ATRN: variants seen among roughly 807,000 people sequenced by gnomAD.
ATRN encodes the protein attractin.
ATRN carries 54 observed loss-of-function variants against 178.7 expected under a neutral mutation model. The observed-to-expected ratio is 0.30, with a 90% CI of 0.24 to 0.38. The LOEUF (loss-of-function observed/expected upper bound fraction) is 0.38. ATRN is among the 10% of genes least tolerant of loss of function. The pLI is 1.00. For missense variants in ATRN, 1,443 were observed against 1,815.1 expected, an observed-to-expected ratio of 0.79 and a Z score of 3.73; for synonymous variants, 636 against 663.0, an observed-to-expected ratio of 0.96 and a Z score of 0.63.
intron 19 of ATRN, among the ~76,000 whole-genome samples, chr20:3,593,663 C>T (rs755396997): frequency 1.3e-5 from 2 of 152,220 alleles, no homozygotes; most frequent in Non-Finnish European, 2.9e-5. Context: ...TTCTGTTAAT[C>T]TCTGCACTAT....
At chr20:3,624,733 TA>T (rs2086923523) in intron 25 of ATRN, among the ~76,000 whole-genome samples, 161 bp downstream of exon 25, 1 of 152,264 alleles carries the variant, frequency 6.6e-6, no homozygotes, top group South Asian at 2.1e-4. Flanking sequence ...TCAGTTACAG[TA>T]ATATAAACTC....
intron 1 of ATRN, among the ~76,000 whole-genome samples, chr20:3,525,661 G>C (rs1439098385): frequency 2.6e-5 from 4 of 152,104 alleles, no homozygotes; most frequent in African/African-American, 9.7e-5. Context: ...ATAAAATACT[G>C]GCACACCGAA....
At chr20:3,573,884 C>T (rs2086165897) in intron 12 of ATRN, among the ~76,000 whole-genome samples, 1 of 151,992 alleles carries the variant, frequency 6.6e-6, no homozygotes, top group Non-Finnish European at 1.5e-5. Context: ...TATACAGTCA[C>T]CTGCCACCAT....
In ATRN at chr20:3,649,755, A is replaced by G. The variant is rs1416566002; in HGVS notation, c.*2908A>G. The stretch of plus-strand genomic sequence containing the variant: ...ATGTTTCTCTTAGTCTTTAAGTTCA[A>G]AGACTAACCTGTAGCAATCAGACTT... On this transcript the variant is annotated 3_prime_UTR_variant, in exon 29 of 29. Transcript: ENST00000262919. 6.6e-6 allele frequency: 1 copy of G among 152,166 alleles called. No individual in the cohort carries two copies. The highest frequency in any genetic ancestry group is 2.4e-5 in the African/African-American group (1 of 41,434). 9.4% of individuals were successfully genotyped at this position (152,166 alleles called of 1,614,324 possible).
intron 26 of ATRN, among the ~76,000 whole-genome samples, chr20:3,634,729 C>T (rs118144138): frequency 0.032 from 4,912 of 152,264 alleles, 110 homozygotes; most frequent in Non-Finnish European, 0.049. Flanking sequence ...ACAGCCACCG[C>T]GTGATTAGGC....
chr20:3,639,395 G>A lies in ATRN; in HGVS notation c.4050+460G>A, dbSNP rs79204951. Among the ~76,000 whole-genome samples, 949 of 152,136 alleles carry A rather than the reference G, an allele frequency of 6.2e-3. 7 individuals carry two copies. Among genetic ancestry groups the A allele is most frequent in the African/African-American group, 0.021 (874 of 41,470 alleles). ...AGCCTCCTGAGTTGCTGGGATTACC[G>A]ATGTGCGCAACCACGCCCAGCTGAT... is the stretch of plus-strand genomic sequence containing the variant. On this transcript the variant is annotated intron_variant, in intron 27 of 28. Coordinates refer to ENST00000262919, the MANE Select transcript of ATRN (RefSeq NM_139321.3).
chr20:3,506,703 G>GAC (rs199888321), intron 1 of ATRN, among the ~76,000 whole-genome samples: 2,004 of 149,024 alleles, frequency 0.013, 43 homozygotes, highest in African/African-American at 0.043. Flanking sequence ...GCCATTAGTG[G>GAC]ACACACACAC....
chr20:3,639,388 G>A (rs1164939906), intron 27 of ATRN, among the ~76,000 whole-genome samples: 4 of 152,066 alleles, frequency 2.6e-5, no homozygotes, highest in Admixed American at 2.6e-4. Flanking sequence ...GAGTTGCTGG[G>A]ATTACCGATG....
chr20:3,486,999 A>G (rs1318574110), intron 1 of ATRN, among the ~76,000 whole-genome samples: 3 of 151,904 alleles, frequency 2.0e-5, no homozygotes, highest in Non-Finnish European at 4.4e-5. Context: ...ACTTCTCATA[A>G]TTTTTATCTA....
At chr20:3,525,779 A>G (rs1308255474) in intron 1 of ATRN, among the ~76,000 whole-genome samples, 1 of 152,214 alleles carries the variant, frequency 6.6e-6, no homozygotes, top group African/African-American at 2.4e-5. Context: ...TCCATCACAT[A>G]AACAGAACCA....
chr20:3,601,333 A>G (rs959504878), intron 23 of ATRN, among the ~76,000 whole-genome samples: 2 of 152,200 alleles, frequency 1.3e-5, no homozygotes, highest in African/African-American at 4.8e-5. Flanking sequence ...GCCCACCACC[A>G]CCATTTCTGT....
chr20:3,581,773 G>T lies in ATRN; in HGVS notation c.2545-362G>T, dbSNP rs6115947. Among the ~76,000 whole-genome samples the T allele has an allele frequency of 9.3e-3, 1,412 of 152,222 alleles. 24 individuals carry two copies. The highest frequency in any genetic ancestry group is 0.032 in the African/African-American group (1,340 of 41,538). ...TTTGCTATAATTTCTGTGAATTTTT[G>T]ATATATTATCTTCTCTGAGCTACAT... On this transcript the variant is annotated intron_variant, in intron 15 of 28. Transcript: ENST00000262919.
intron 1 of ATRN, among the ~76,000 whole-genome samples, chr20:3,527,127 A>T (rs2085376366): frequency 1.3e-5 from 2 of 152,174 alleles, no homozygotes; most frequent in South Asian, 4.1e-4. Context: ...AGAAACTATC[A>T]TCAGAGTGAA....
intron 1 of ATRN, among the ~76,000 whole-genome samples, chr20:3,534,100 C>A (rs530864414): frequency 6.6e-6 from 1 of 152,102 alleles, no homozygotes; most frequent in Non-Finnish European, 1.5e-5. Context: ...GCAAGTACAG[C>A]AGAGGAAGAG....
chr20:3,611,693 G>C (rs531489775), intron 24 of ATRN, among the ~76,000 whole-genome samples: 67 of 152,358 alleles, frequency 4.4e-4, no homozygotes, highest in Non-Finnish European at 7.3e-4. Context: ...AGTGAGCTGA[G>C]ATTGTGCTAC....
chr20:3,606,839 A>C (rs1163466338), intron 24 of ATRN, among the ~76,000 whole-genome samples: 1 of 152,170 alleles, frequency 6.6e-6, no homozygotes, highest in African/African-American at 2.4e-5. Flanking sequence ...TATCATGTTA[A>C]ACTAACTTTT....
chr20:3,595,728 G>T (rs235530), intron 20 of ATRN, among the ~76,000 whole-genome samples: 1 of 152,062 alleles, frequency 6.6e-6, no homozygotes, highest in Admixed American at 6.5e-5. Context: ...CTGGCTAAAG[G>T]GACACAGCAT....
intron 1 of ATRN, among the ~76,000 whole-genome samples, chr20:3,512,980 T>G (rs1880413135): frequency 1.3e-5 from 2 of 152,202 alleles, no homozygotes; most frequent in African/African-American, 4.8e-5. Context: ...GTAAATTTGT[T>G]TGAGTTCTTT....
At chr20:3,606,590 G>T (rs929225400) in intron 24 of ATRN, among the ~76,000 whole-genome samples, 1 of 152,204 alleles carries the variant, frequency 6.6e-6, no homozygotes, top group African/African-American at 2.4e-5. Flanking sequence ...TGTGATCTTA[G>T]CCCCAGACTT....
Sources: gnomAD v4.1 joint callset for allele counts (sites outside exome capture counted in the v4.1 genomes callset) on GRCh38, gnomAD v4.1.1 for gene constraint, MANE v1.5 for transcripts, NCBI Gene and HGNC (gene_info 2026-07-23, HGNC 2026-07-21) for gene names.